Variants in DAPK2 observed in about 807,000 individuals in gnomAD.
The protein encoded by DAPK2 is death-associated protein kinase 2.
Under a neutral mutation model 44.1 loss-of-function variants are expected in DAPK2, and 35 were observed. The ratio of observed to expected loss-of-function variants is 0.79; its 90% CI spans 0.61 to 1.05. DAPK2 has a LOEUF of 1.05. Among genes scored for constraint, DAPK2 ranks in the 50% least tolerant of loss-of-function variants. The pLI is 0.00. For synonymous variants in DAPK2, 174 were observed against 182.6 expected (o/e 0.95, Z 0.38); for missense variants, 453 against 483.2 (o/e 0.94, Z 0.59).
chr15:63,914,683 C>T (rs1306052470), intron 8 of DAPK2, among the ~76,000 whole-genome samples: 1 of 152,162 alleles, frequency 6.6e-6, no homozygotes, highest in African/African-American at 2.4e-5. Flanking sequence ...TTCTACCTCT[C>T]TGCTTCCTGT....
At chr15:64,031,222 G>A (rs929260208) in intron 1 of DAPK2, among the ~76,000 whole-genome samples, 2 of 151,910 alleles carry the variant, frequency 1.3e-5, no homozygotes, top group African/African-American at 4.8e-5. Context: ...GATACTCACA[G>A]GAGGGCAGAT....
At chr15:63,978,017 A>G (rs1196416433) in intron 2 of DAPK2, among the ~76,000 whole-genome samples, 1 of 152,194 alleles carries the variant, frequency 6.6e-6, no homozygotes, top group Non-Finnish European at 1.5e-5. Flanking sequence ...TTCACTATCT[A>G]TCTTCCTCTC....
chr15:64,004,395 C>T (rs920104525), intron 1 of DAPK2, among the ~76,000 whole-genome samples: 1 of 152,144 alleles, frequency 6.6e-6, no homozygotes, highest in Non-Finnish European at 1.5e-5. Context: ...TGTGATATTA[C>T]CAGCTTCTGA....
chr15:63,912,266 A>G lies in DAPK2; in HGVS notation c.859-69T>C, dbSNP rs2146482798. On this transcript the variant is annotated intron_variant, in intron 8 of 10. Transcript: ENST00000261891. This position sits in a 1 kb window ranked among gnomAD's most constrained non-coding sequence, Gnocchi z 4.4. ...ACAGCAGCCACCCTCCTCGCCGCAG[A>G]ACTCCCCACCCACCGCATGCCCACC... The G allele has an allele frequency of 2.0e-6, 3 of 1,508,184 alleles. No individual in the cohort carries two copies. The highest frequency in any genetic ancestry group is 2.3e-5 in the East Asian group (1 of 43,848). 93.4% of individuals were successfully genotyped at this position (1,508,184 alleles called of 1,614,324 possible).
chr15:64,018,681 A>C (rs923267451), intron 1 of DAPK2, among the ~76,000 whole-genome samples: 1 of 152,180 alleles, frequency 6.6e-6, no homozygotes. Context: ...AGGGCTAACA[A>C]GGCCAGGATC....
intron 1 of DAPK2, among the ~76,000 whole-genome samples, chr15:63,997,360 C>T (rs1464582135): frequency 1.3e-5 from 2 of 152,204 alleles, no homozygotes; most frequent in African/African-American, 4.8e-5. Flanking sequence ...CAGATTCTCG[C>T]TCTGTCACCC....
Position 63,908,427 on chromosome 15 carries a change from C to G in DAPK2, c.*93G>C, listed in dbSNP as rs540699166. ...TCTCTTGCAAAGTGCTCAGGACGCCCGGGTGCTGGTGCTGAGCTGGGTCCA... is the reference window on the plus strand; with the variant it reads ...TCTCTTGCAAAGTGCTCAGGACGCCGGGGTGCTGGTGCTGAGCTGGGTCCA... On this transcript the variant is annotated 3_prime_UTR_variant, in exon 11 of 11. Coordinates refer to ENST00000261891, the Ensembl canonical transcript of DAPK2. This position sits in a 1 kb window ranked among gnomAD's most constrained non-coding sequence, Gnocchi z 5.7. 2.7e-6 allele frequency: 2 copies of G among 744,068 alleles called. No individual in the cohort carries two copies. Among genetic ancestry groups the G allele is most frequent in the Non-Finnish European group, 4.1e-6 (2 of 486,196 alleles). 46.1% of individuals were successfully genotyped at this position (744,068 alleles called of 1,614,324 possible). A position where few individuals can be genotyped will look rare whatever the true frequency, so the allele number is the denominator to read the frequency against.
exon 2 of DAPK2, chr15:63,983,728 C>T: frequency 6.2e-7 from 1 of 1,612,450 alleles, no homozygotes; most frequent in Non-Finnish European, 8.5e-7. Context: ...CTTCTCCCGG[C>T]ACTTCTTCAC....
intron 1 of DAPK2, among the ~76,000 whole-genome samples, chr15:64,014,479 A>T (rs1240796630): frequency 6.6e-6 from 1 of 152,244 alleles, no homozygotes; most frequent in East Asian, 1.9e-4. Context: ...CAGAGAGGAG[A>T]CAAGACCAAA....
intron 1 of DAPK2, among the ~76,000 whole-genome samples, chr15:64,022,765 GC>G (rs1024780212): frequency 7.2e-4 from 109 of 152,288 alleles, no homozygotes; most frequent in African/African-American, 2.4e-3. Context: ...GTTGCAGTGA[GC>G]CAAGATCACA....
At chr15:64,008,642 C>A in intron 1 of DAPK2, among the ~76,000 whole-genome samples, 1 of 152,088 alleles carries the variant, frequency 6.6e-6, no homozygotes, top group East Asian at 1.9e-4. Flanking sequence ...TCATAAGGGA[C>A]ATGTTTATAA....
At chr15:63,920,740 G>C (rs1010993256) in intron 8 of DAPK2, 1 of 152,230 alleles carries the variant, frequency 6.6e-6, no homozygotes, top group East Asian at 1.9e-4. Flanking sequence ...CATGACTTTC[G>C]GGATAAGGGC....
At chr15:63,918,104 G>C (rs541649206) in intron 8 of DAPK2, 1 of 152,364 alleles carries the variant, frequency 6.6e-6, no homozygotes, top group South Asian at 2.1e-4. Context: ...AAGGCATCCA[G>C]TCCCACAGAC....
At chr15:63,969,163 A>G (rs1025870398) in intron 3 of DAPK2, among the ~76,000 whole-genome samples, 1 of 152,236 alleles carries the variant, frequency 6.6e-6, no homozygotes, top group African/African-American at 2.4e-5. Flanking sequence ...TCATGCCTGT[A>G]GTCCCAACAC....
intron 4 of DAPK2, among the ~76,000 whole-genome samples, chr15:63,937,086 G>C (rs11071777): frequency 0.57 from 86,035 of 151,834 alleles, 24,970 homozygotes; most frequent in East Asian, 0.97. Flanking sequence ...CCCTGGGTCT[G>C]AGGTTAGAAT....
chr15:64,015,626 T>G (rs2079504935), intron 1 of DAPK2, among the ~76,000 whole-genome samples: 1 of 152,196 alleles, frequency 6.6e-6, no homozygotes, highest in African/African-American at 2.4e-5. Context: ...TTATGGATCT[T>G]AAGATGAGAT....
Position 63,939,367 on chromosome 15 carries a change from C to T in DAPK2, c.454-6G>A, listed in dbSNP as rs370730920. 513 of 1,315,600 alleles carry T rather than the reference C, an allele frequency of 3.9e-4. 1 individual carries two copies. Among genetic ancestry groups the T allele is most frequent in the Non-Finnish European group, 5.0e-4 (506 of 1,012,660 alleles). 81.5% of individuals were successfully genotyped at this position (1,315,600 alleles called of 1,614,324 possible). A position where few individuals can be genotyped will look rare whatever the true frequency, so the allele number is the denominator to read the frequency against. ...AACAACATAATGTTTTCTGGCTGGA[C>T]AACAAAAAGTAGAAAAAAAAAAAAG... On this transcript the variant is annotated splice_region_variant and splice_polypyrimidine_tract_variant and intron_variant, in intron 3 of 10. Transcript: ENST00000261891. The surrounding 1 kb of genome is among the most constrained non-coding windows in gnomAD (Gnocchi z 4.3).
intron 4 of DAPK2, among the ~76,000 whole-genome samples, chr15:63,936,448 T>C (rs1179825573): frequency 6.6e-6 from 1 of 151,870 alleles, no homozygotes; most frequent in Non-Finnish European, 1.5e-5. Flanking sequence ...CTGTCTCTAC[T>C]AAAAATACAA....
chr15:63,934,056 A>G, intron 4 of DAPK2, among the ~76,000 whole-genome samples: 1 of 151,954 alleles, frequency 6.6e-6, no homozygotes, highest in East Asian at 1.9e-4. Flanking sequence ...TTAAAAAATG[A>G]AGACTTTTGG....
Sources: gnomAD v4.1 joint callset for allele counts (sites outside exome capture counted in the v4.1 genomes callset) on GRCh38, gnomAD v4.1.1 for gene constraint, Gnocchi (gnomAD v3.1) non-coding constraint, MANE v1.5 for transcripts, NCBI Gene and HGNC (gene_info 2026-07-23, HGNC 2026-07-21) for gene names.